L3MBTL1: variants seen among roughly 807,000 people sequenced by gnomAD.
The protein encoded by L3MBTL1 is lethal(3)malignant brain tumor-like protein 1.
A neutral mutation model predicts 105.3 loss-of-function variants in L3MBTL1; 75 were observed. The observed-to-expected ratio is 0.71, with a 90% confidence interval of 0.59 to 0.86. L3MBTL1 has a LOEUF of 0.86. L3MBTL1 is among the 40% of genes least tolerant of loss of function. The pLI is 0.00. For missense variants in L3MBTL1, 1,069 were observed against 1,126.4 expected, an observed-to-expected ratio of 0.95 and a Z score of 0.73; for synonymous variants, 452 against 436.2, an observed-to-expected ratio of 1.04 and a Z score of -0.45.
At chr20:43,534,448 C>T (rs2019503039) in intron 15 of L3MBTL1, 54 bp downstream of exon 15, 6 of 1,417,664 alleles carry the variant, frequency 4.2e-6, no homozygotes, top group Admixed American at 3.4e-5. Flanking sequence ...GGCAGGAATT[C>T]TGTAGACTGT....
At chr20:43,521,152 C>T (rs537472590) in intron 7 of L3MBTL1, among the ~76,000 whole-genome samples, 1 of 152,168 alleles carries the variant, frequency 6.6e-6, no homozygotes, top group Non-Finnish European at 1.5e-5. Flanking sequence ...TATGAATTGG[C>T]TAATCATGCT....
intron 1 of L3MBTL1, among the ~76,000 whole-genome samples, chr20:43,509,724 C>T (rs1382909575): frequency 1.3e-5 from 2 of 152,180 alleles, no homozygotes; most frequent in Non-Finnish European, 2.9e-5. Context: ...GGCAGCGAAC[C>T]CAAACAGAAA....
intron 18 of L3MBTL1, among the ~76,000 whole-genome samples, chr20:43,547,206 G>A (rs576970381): frequency 2.4e-4 from 36 of 149,158 alleles, no homozygotes; most frequent in African/African-American, 7.9e-4. Context: ...CCGGGTTCAC[G>A]CCATTCTCCT....
At chr20:43,514,503 C>A (rs1271186225) in intron 3 of L3MBTL1, 132 bp from the exon 4 acceptor site, 1 of 1,544,478 alleles carries the variant, frequency 6.5e-7, no homozygotes, top group African/African-American at 1.4e-5. Context: ...AGTGAGGCCC[C>A]CTGGCGTGGA....
At position 43,534,289 on chromosome 20, in the gene L3MBTL1, C is replaced by T; in HGVS notation, c.1605C>T (p.Pro535=). 1 of 1,613,724 alleles carries T rather than the reference C, an allele frequency of 6.2e-7. No homozygotes were observed. Among genetic ancestry groups the T allele is most frequent in the Non-Finnish European group, 8.5e-7 (1 of 1,179,878 alleles). The change falls in exon 15 of 22, where the codon CCC becomes CCT. Residue 535 remains proline, a synonymous_variant. Coordinates refer to ENST00000418998, the MANE Select transcript of L3MBTL1 (RefSeq NM_001377303.1). ...GGCAGCTGTCCCCTCTGCAGCGACC[C>T]CCTCACAGCTTCCTGGTCAATATGA... ...AVPTWAFKVR[P]PHSFLVNMKL... is the part of the protein sequence containing the mutation.
chr20:43,541,225 C>T lies in L3MBTL1; in HGVS notation c.*97C>T, dbSNP rs1021076334. ...GATTTACTGCAAGGATCCTAACACA[C>T]ACTTAAAATCAAGAGCCAAGGAGTA... On this transcript the variant is annotated 3_prime_UTR_variant, in exon 22 of 22. Transcript: ENST00000418998. 2 of 1,519,388 alleles carry T rather than the reference C, an allele frequency of 1.3e-6. No homozygotes were observed. The highest frequency in any genetic ancestry group is 1.8e-6 in the Non-Finnish European group (2 of 1,136,292). 94.1% of individuals were successfully genotyped at this position (1,519,388 alleles called of 1,614,324 possible).
At chr20:43,544,526 C>T (rs796933507), downstream of L3MBTL1, among the ~76,000 whole-genome samples, 3 of 152,314 alleles carry the variant, frequency 2.0e-5, no homozygotes, top group African/African-American at 7.2e-5. Flanking sequence ...TTCCATTGTT[C>T]CCTTACCTAG....
At chr20:43,537,687 C>CT (rs1285405634) in intron 19 of L3MBTL1, among the ~76,000 whole-genome samples, 1 of 152,154 alleles carries the variant, frequency 6.6e-6, no homozygotes, top group African/African-American at 2.4e-5. Context: ...AGTACAGGGC[C>CT]TGATGCACAG....
At chr20:43,511,549 A>G (rs563097974) in intron 1 of L3MBTL1, among the ~76,000 whole-genome samples, 30 of 152,242 alleles carry the variant, frequency 2.0e-4, no homozygotes, top group Non-Finnish European at 4.1e-4. Flanking sequence ...TGGGAGGCCG[A>G]GGTGGGCGGA....
rs1249830783 is a variant in L3MBTL1, at chr20:43,514,692, C to A, written c.418C>A (p.Pro140Thr). Residue 140 changes from proline (P) to threonine (T), a missense_variant, in exon 4 of 22, where the codon CCC becomes ACC. Transcript: ENST00000418998. ...NMAGVEQPPSPELRQEGVTEY... is the reference protein window; with the variant it reads ...NMAGVEQPPSTELRQEGVTEY... ...GGCGGGAGTGGAGCAGCCCCCGAGCCCCGAGCTGCGGCAGGAAGGCGTGAC... is the reference window on the plus strand; with the variant it reads ...GGCGGGAGTGGAGCAGCCCCCGAGCACCGAGCTGCGGCAGGAAGGCGTGAC... 2.5e-6 allele frequency: 4 copies of A among 1,587,298 alleles called. No individual in the cohort carries two copies. In the Admixed American group the frequency reaches 5.5e-5, roughly 22 times the overall value.
downstream of L3MBTL1, among the ~76,000 whole-genome samples, chr20:43,544,373 A>T (rs1978438004): frequency 6.6e-6 from 1 of 152,164 alleles, no homozygotes; most frequent in South Asian, 2.1e-4. Context: ...CTTAGGGTGG[A>T]TTATTGTATG....
At position 43,534,383 on chromosome 20, in the gene L3MBTL1, C is replaced by T; in HGVS notation, c.1699C>T (p.His567Tyr). The change falls in exon 15 of 22, where the codon CAT (histidine) becomes TAT (tyrosine). Residue 567 changes from histidine to tyrosine, a missense_variant. By Grantham distance (83) the His-to-Tyr change is moderately conservative (BLOSUM62 2). Coordinates refer to ENST00000418998, the MANE Select transcript of L3MBTL1 (RefSeq NM_001377303.1). ...GGCCAGCGTGGAGGATGTGGAGGAC[C>T]ATCGGATAAAGGTGGCTCTGGGACC... ...RVASVEDVED[H>Y]RIKIHFDGWS... 6.2e-7 allele frequency: 1 copy of T among 1,613,994 alleles called. No homozygotes were observed. The highest frequency in any genetic ancestry group is 8.5e-7 in the Non-Finnish European group (1 of 1,179,912).
chr20:43,544,991 T>C (rs542582138), downstream of L3MBTL1, among the ~76,000 whole-genome samples: 2 of 151,160 alleles, frequency 1.3e-5, no homozygotes, highest in East Asian at 3.9e-4. Context: ...CAAAAGAAAA[T>C]AAATGAACTC....
chr20:43,516,053 C>T (rs2018371923), intron 6 of L3MBTL1, 40 bp from the exon 7 acceptor site: 1 of 1,494,964 alleles, frequency 6.7e-7, no homozygotes, highest in Non-Finnish European at 9.3e-7. Flanking sequence ...CATCCCAAAC[C>T]ATGAGGAGAA....
downstream of L3MBTL1, among the ~76,000 whole-genome samples, chr20:43,546,281 G>C (rs552201656): frequency 2.6e-4 from 39 of 152,348 alleles, no homozygotes; most frequent in South Asian, 2.3e-3. Context: ...TGGAACTGTG[G>C]GGCAGGGCCA....
intron 7 of L3MBTL1, among the ~76,000 whole-genome samples, chr20:43,518,851 C>CAAAAAA (rs34529936): frequency 1.8e-4 from 6 of 33,304 alleles, no homozygotes; most frequent in Non-Finnish European, 2.3e-4. Flanking sequence ...ACTAAAAATA[C>CAAAAAA]AAAAAAAAAA....
At position 43,513,980 on chromosome 20, in the gene L3MBTL1, G is replaced by T; in HGVS notation, c.279G>T (p.Gly93=). The change falls in exon 3 of 22, where the codon GGG becomes GGT. Residue 93 remains glycine, a synonymous_variant. Coordinates refer to ENST00000418998, the MANE Select transcript of L3MBTL1 (RefSeq NM_001377303.1). ...CCGTCCTGCCGCAGCTTAGCGCCGG[G>T]CCGGCCAGCTCCAGCACCAGCACAG... ...SATVLPQLSA[G]PASSSTSTVR... 6.5e-7 allele frequency: 1 copy of T among 1,546,300 alleles called. No homozygotes were observed.
intron 16 of L3MBTL1, among the ~76,000 whole-genome samples, chr20:43,535,573 C>G (rs2019561888): frequency 6.6e-6 from 1 of 152,184 alleles, no homozygotes; most frequent in African/African-American, 2.4e-5. Context: ...CTCTGAGTGG[C>G]TCTTCTCCCC....
At chr20:43,534,196 T>C in intron 14 of L3MBTL1, 88 bp from the exon 15 acceptor site, 1 of 1,528,774 alleles carries the variant, frequency 6.5e-7, no homozygotes, top group Non-Finnish European at 9.0e-7. Flanking sequence ...AGGCCCCAGT[T>C]TCCCCAGGCA....
Sources: allele counts gnomAD v4.1 joint callset (sites outside exome capture counted in the v4.1 genomes callset), GRCh38; gene constraint gnomAD v4.1.1; transcripts MANE v1.5; gene names NCBI Gene and HGNC (gene_info 2026-07-23, HGNC 2026-07-21).